TJP2: variants seen among roughly 807,000 people sequenced by gnomAD.
TJP2 encodes the protein Friedreich ataxia region gene X104 (tight junction protein ZO-2).
TJP2 carries 91 observed loss-of-function variants against 133.1 expected under a neutral mutation model. The observed-to-expected ratio is 0.68, with a 90% CI of 0.58 to 0.81. The LOEUF is 0.81. Ranked by LOEUF, TJP2 falls within the 40% of genes least tolerant of loss-of-function variation. TJP2 has a pLI of 0.00. For missense variants in TJP2, 1,541 were observed against 1,565.6 expected (o/e 0.98, Z 0.26); for synonymous variants, 592 against 583.4 (o/e 1.01, Z -0.21).
At chr9:69,222,682 C>CT in intron 5 of TJP2, among the ~76,000 whole-genome samples, 1 of 152,284 alleles carries the variant, frequency 6.6e-6, no homozygotes, top group South Asian at 2.1e-4. Flanking sequence ...TGGCTTTAAA[C>CT]TAGGAGACCA....
intron 1 of TJP2, chr9:69,205,295 GA>G (rs772958478): frequency 6.5e-7 from 1 of 1,536,852 alleles, no homozygotes; most frequent in South Asian, 1.2e-5. Flanking sequence ...GAAGGGGAGG[GA>G]AGCAAAACCA....
At chr9:69,169,440 C>T (rs1824559030), upstream of TJP2, among the ~76,000 whole-genome samples, 1 of 150,064 alleles carries the variant, frequency 6.7e-6, no homozygotes, top group Non-Finnish European at 1.5e-5. Context: ...CTTACTGAAA[C>T]CCCCACCTCC....
chr9:69,150,961 C>T (rs943904757), intron 1 of TJP2, among the ~76,000 whole-genome samples: 1 of 152,170 alleles, frequency 6.6e-6, no homozygotes, highest in African/African-American at 2.4e-5. Context: ...TATGCTATAA[C>T]ATCAATGAAC....
Position 69,137,242 on chromosome 9 carries a change from TC to T in TJP2, c.-130-14408del, listed in dbSNP as rs1440431420. On this transcript the variant is annotated intron_variant, in intron 1 of 5. Coordinates refer to the TJP2 transcript ENST00000423935. ...TTTTCTTTCCTTCTTTCTTTCTTTCTCTCTCTCTTTCTTTCTTTCTTTCTTT... is the reference window on the plus strand; with the variant it reads ...TTTTCTTTCCTTCTTTCTTTCTTTCTTCTCTCTTTCTTTCTTTCTTTCTTT... Among the ~76,000 whole-genome samples the T allele has an allele frequency of 9.4e-3, 244 of 25,972 alleles. 1 individual carries two copies. The highest frequency in any genetic ancestry group is 0.031 in the African/African-American group (226 of 7,386). 17.0% of individuals were successfully genotyped at this position (25,972 alleles called of 152,430 possible).
At chr9:69,131,346 G>A (rs186225979) in intron 1 of TJP2, among the ~76,000 whole-genome samples, 5 of 152,176 alleles carry the variant, frequency 3.3e-5, no homozygotes, top group Admixed American at 2.6e-4. Context: ...AGTCCACGTT[G>A]TGAAGGTCAG....
chr9:69,233,709 G>A lies in TJP2; in HGVS notation c.1672-730G>A, dbSNP rs184834336. 2.0e-3 allele frequency among the ~76,000 whole-genome samples: 305 copies of A among 152,132 alleles called. 1 individual carries two copies. The highest frequency in any genetic ancestry group is 6.2e-3 in the African/African-American group (256 of 41,520). ...AAAGAATTGCTTGAACCCAGGAGGC[G>A]GAGGTTGCAGTGAGCCAAGATCGCG... On this transcript the variant is annotated intron_variant, in intron 11 of 22. Transcript: ENST00000377245.
upstream of TJP2, among the ~76,000 whole-genome samples, chr9:69,173,749 C>G (rs1466793408): frequency 6.6e-6 from 1 of 152,180 alleles, no homozygotes. Context: ...CTGAAGCTGC[C>G]TGTGTGAGGC....
chr9:69,179,333 C>G (rs1222087949), intron 1 of TJP2, among the ~76,000 whole-genome samples: 1 of 152,098 alleles, frequency 6.6e-6, no homozygotes, highest in Non-Finnish European at 1.5e-5. Flanking sequence ...CATTTACACA[C>G]CATTGTATAT....
intron 1 of TJP2, among the ~76,000 whole-genome samples, chr9:69,208,831 C>T (rs983760934): frequency 6.6e-6 from 1 of 151,916 alleles, no homozygotes; most frequent in Non-Finnish European, 1.5e-5. Flanking sequence ...TTTTTTTTCC[C>T]CCTTAATTCA....
chr9:69,164,488 T>C (rs745932623), intron 2 of TJP2, among the ~76,000 whole-genome samples: 1 of 151,934 alleles, frequency 6.6e-6, no homozygotes, highest in Non-Finnish European at 1.5e-5. Context: ...ATTTTGGGGG[T>C]GAAGGGAGCT....
At chr9:69,151,680 C>A in exon 2 of TJP2, 1 of 1,232,016 alleles carries the variant, frequency 8.1e-7, no homozygotes, top group Non-Finnish European at 1.0e-6. Flanking sequence ...CTGTCATCTC[C>A]CTGTGAGTGG....
chr9:69,157,498 C>G (rs1055920345), intron 2 of TJP2, among the ~76,000 whole-genome samples: 1 of 150,206 alleles, frequency 6.7e-6, no homozygotes, highest in African/African-American at 2.5e-5. Context: ...CAGAGTCTCA[C>G]TCTGTCGCCC....
rs1294085720 is a variant in TJP2, at chr9:69,174,396, GTT to G, written c.26_27del (p.Phe9SerfsTer49). 2 of 1,552,014 alleles carry G rather than the reference GTT, an allele frequency of 1.3e-6. No individual in the cohort carries two copies. The highest frequency in any genetic ancestry group is 3.9e-5 in the Admixed American group (2 of 51,060). On this transcript the variant is annotated frameshift_variant, in exon 1 of 23. Transcript: ENST00000377245. LOFTEE classifies it high-confidence loss of function. Reference sequence around the variant, plus strand: ...AAATGCCGGTGCGAGGAGACCGCGGGTTTCCACCCCGGCGGGAGCTGTCAGGT... The same window carrying G: ...AAATGCCGGTGCGAGGAGACCGCGGGTCCACCCCGGCGGGAGCTGTCAGGT... MPVRGDRG[F>X]PPRRELSGWL...
intron 14 of TJP2, 136 bp from the exon 15 acceptor site, chr9:69,237,742 G>C: frequency 1.4e-6 from 1 of 708,164 alleles, no homozygotes; most frequent in Non-Finnish European, 2.6e-6. Flanking sequence ...CTTCAGAACA[G>C]AGCCAAGCTG....
At chr9:69,173,459 C>G (rs1489407814), upstream of TJP2, among the ~76,000 whole-genome samples, 1 of 152,184 alleles carries the variant, frequency 6.6e-6, no homozygotes, top group Non-Finnish European at 1.5e-5. Context: ...CACTTGTGAC[C>G]TACTGGCAAC....
intron 1 of TJP2, among the ~76,000 whole-genome samples, chr9:69,210,739 GTTCTTTT>G (rs1827836667): frequency 1.0e-5 from 1 of 96,632 alleles, no homozygotes; most frequent in Non-Finnish European, 1.9e-5. Flanking sequence ...GGTATTTTGA[GTTCTTTT>G]TTTTTTTTTT....
At chr9:69,175,781 G>A (rs57260043) in intron 1 of TJP2, among the ~76,000 whole-genome samples, 2,969 of 152,286 alleles carry the variant, frequency 0.019, 85 homozygotes, top group African/African-American at 0.068. Flanking sequence ...TAAAGCACCG[G>A]TGGCTTTTGA....
At chr9:69,161,181 G>A (rs980925204) in intron 2 of TJP2, among the ~76,000 whole-genome samples, 3 of 152,074 alleles carry the variant, frequency 2.0e-5, no homozygotes, top group African/African-American at 2.4e-5. Context: ...ATGCAAGGTA[G>A]TATGCCTGGC....
intron 21 of TJP2, 57 bp downstream of exon 21, chr9:69,251,421 A>G (rs1374275942): frequency 1.9e-6 from 3 of 1,555,658 alleles, no homozygotes; most frequent in African/African-American, 1.4e-5. Context: ...TTTGATTTCA[A>G]CATAACAGCG....
Sources: allele counts gnomAD v4.1 joint callset (sites outside exome capture counted in the v4.1 genomes callset), GRCh38; gene constraint gnomAD v4.1.1; transcripts MANE v1.5; gene names NCBI Gene and HGNC (gene_info 2026-07-23, HGNC 2026-07-21).